SLC25A45: variants seen among roughly 807,000 people sequenced by gnomAD.
The protein encoded by SLC25A45 is solute carrier family 25 member 45.
A neutral mutation model predicts 23.0 loss-of-function variants in SLC25A45; 22 were observed. That is an observed-to-expected ratio of 0.95 (90% CI 0.68 to 1.36). The LOEUF (loss-of-function observed/expected upper bound fraction) is 1.36. Among genes scored for constraint, SLC25A45 ranks in the 40% most tolerant of loss-of-function variants. SLC25A45 has a pLI of 0.00. For missense variants in SLC25A45, 355 were observed against 383.5 expected (o/e 0.93, Z 0.62); for synonymous variants, 136 against 155.0 (o/e 0.88, Z 0.91).
At chr11:65,380,277 G>A (rs899493535) in intron 2 of SLC25A45, 102 bp from the exon 3 acceptor site, 1 of 1,551,940 alleles carries the variant, frequency 6.4e-7, no homozygotes, top group Non-Finnish European at 8.9e-7. Context: ...AGGAAGGAGA[G>A]CAGGGCCATC....
Position 65,379,908 on chromosome 11 carries a change from C to A in SLC25A45, c.112G>T (p.Gly38Cys). ...VRLQTQTTYR[G>C]IVDCMVKIYR... is the part of the protein sequence containing the mutation. Reference sequence around the variant, plus strand: ...ATCTTGACCATGCAATCAACGATGCCCCGGTAGGTGGTCTGGGTCTGCAGC... The same window carrying A: ...ATCTTGACCATGCAATCAACGATGCACCGGTAGGTGGTCTGGGTCTGCAGC... The change falls in exon 4 of 7, where the codon GGC (glycine) becomes TGC (cysteine). Residue 38 changes from glycine to cysteine, a missense_variant. Gly to Cys is a radical substitution (Grantham distance 159). Transcript: ENST00000398802. 1 of 1,614,180 alleles carries A rather than the reference C, an allele frequency of 6.2e-7. No homozygotes were observed. Among genetic ancestry groups the A allele is most frequent in the Non-Finnish European group, 8.5e-7 (1 of 1,180,022 alleles).
intron 4 of SLC25A45, 121 bp downstream of exon 4, chr11:65,379,746 G>A (rs1446543621): frequency 7.2e-7 from 1 of 1,385,702 alleles, no homozygotes; most frequent in African/African-American, 1.4e-5. Context: ...GGCCCCCCAA[G>A]GATCCCAGAC....
chr11:65,380,293 C>A, intron 2 of SLC25A45, 118 bp from the exon 3 acceptor site: 1 of 1,420,936 alleles, frequency 7.0e-7, no homozygotes, highest in Non-Finnish European at 9.8e-7. Context: ...CCATCTCAGA[C>A]ACATGCAGCC....
rs1855156516 is a variant in SLC25A45 at position 65,376,164 on chromosome 11, CCT to C, written c.*241_*242del. 6 of 582,390 alleles carry C rather than the reference CCT, an allele frequency of 1.0e-5. No homozygotes were observed. In the Admixed American group the frequency reaches 1.8e-4, roughly 18 times the overall value. The allele number at this position is 582,390 out of a possible 1,614,324, so 36.1% of individuals were successfully genotyped here. A position where few individuals can be genotyped will look rare whatever the true frequency, so the allele number is the denominator to read the frequency against. ...GCCAGCTCACTTGTGCCTCATGCTC[CCT>C]GTTTCACAGATGTGGGAGGCAAAGG... On this transcript the variant is annotated 3_prime_UTR_variant, in exon 7 of 7. Coordinates refer to ENST00000398802, the MANE Select transcript of SLC25A45 (RefSeq NM_182556.4).
At position 65,376,882 on chromosome 11, in the gene SLC25A45, C is replaced by T. The variant is rs1223480182; in HGVS notation, c.534G>A (p.Val178=). ...WALTLRDTPT[V]GIYFITYEGL... ...CTTCATAGGTGATGAAGTAGATCCC[C>T]ACCGTGGGGGTGTCCCTCAGCGTCA... The change falls in exon 6 of 7, where the codon GTG becomes GTA. Residue 178 remains valine, a synonymous_variant. Transcript: ENST00000398802. 6.2e-7 allele frequency: 1 copy of T among 1,614,088 alleles called. No homozygotes were observed. The highest frequency in any genetic ancestry group is 1.3e-5 in the African/African-American group (1 of 74,936).
At chr11:65,380,874 G>C (rs1284437047) in intron 2 of SLC25A45, 1 of 296,948 alleles carries the variant, frequency 3.4e-6, no homozygotes, top group Non-Finnish European at 6.8e-6. Flanking sequence ...AGCCAGGTGG[G>C]GCAGAGGCCC....
chr11:65,375,993 TGGAAAGGC>T lies in SLC25A45; in HGVS notation c.*406_*413del, dbSNP rs1855143924. 1 of 156,404 alleles carries T rather than the reference TGGAAAGGC, an allele frequency of 6.4e-6. No homozygotes were observed. The highest frequency in any genetic ancestry group is 2.9e-5 in the African/African-American group (1 of 34,382). 9.7% of individuals were successfully genotyped at this position (156,404 alleles called of 1,614,324 possible). On this transcript the variant is annotated 3_prime_UTR_variant, in exon 7 of 7. Transcript: ENST00000398802. ...AGGAGAGTTGCTTGAACCCGGAAGGTGGAAAGGCGGAGGTTGCAGTGAGCCGAGATCAC... is the reference window on the plus strand; with the variant it reads ...AGGAGAGTTGCTTGAACCCGGAAGGTGGAGGTTGCAGTGAGCCGAGATCAC...
rs200122710 is a variant in SLC25A45, at chr11:65,380,187, A to T, written c.38-12T>A. On this transcript the variant is annotated splice_polypyrimidine_tract_variant and intron_variant, in intron 2 of 6. Coordinates refer to ENST00000398802, the MANE Select transcript of SLC25A45 (RefSeq NM_182556.4). ...CAAGCCCAGAGCGCCTGTGGTGACA[A>T]GAGGGTGCTATGAGTGAGGGCCCTC... is the stretch of plus-strand genomic sequence containing the variant. The T allele has an allele frequency of 6.2e-7, 1 of 1,614,166 alleles. No individual in the cohort carries two copies.
At chr11:65,379,967 G>A in intron 3 of SLC25A45, 29 bp from the exon 4 acceptor site, 2 of 1,613,640 alleles carry the variant, frequency 1.2e-6, no homozygotes, top group Non-Finnish European at 1.7e-6. Flanking sequence ...CAGGTAGGGT[G>A]GCGGGATGGG....
chr11:65,380,287 C>T, intron 2 of SLC25A45, 112 bp from the exon 3 acceptor site: 1 of 1,495,578 alleles, frequency 6.7e-7, no homozygotes, highest in Non-Finnish European at 9.2e-7. Context: ...GCAGGGCCAT[C>T]TCAGACACAT....
At position 65,376,869 on chromosome 11, in the gene SLC25A45, T is replaced by G. The variant is rs746723474; in HGVS notation, c.547A>C (p.Ile183Leu). The change falls in exon 6 of 7, where the codon ATC becomes CTC. Residue 183 changes from isoleucine (I) to leucine (L), a missense_variant. By Grantham distance (5) the Ile-to-Leu change is conservative (BLOSUM62 2). Coordinates refer to ENST00000398802, the MANE Select transcript of SLC25A45 (RefSeq NM_182556.4). ...TGGCGACAGAGCCCTTCATAGGTGATGAAGTAGATCCCCACCGTGGGGGTG... is the reference window on the plus strand; with the variant it reads ...TGGCGACAGAGCCCTTCATAGGTGAGGAAGTAGATCCCCACCGTGGGGGTG... ...RDTPTVGIYFITYEGLCRQYT... is the reference protein window; with the variant it reads ...RDTPTVGIYFLTYEGLCRQYT... The G allele has an allele frequency of 6.2e-7, 1 of 1,614,196 alleles. No homozygotes were observed. The highest frequency in any genetic ancestry group is 8.5e-7 in the Non-Finnish European group (1 of 1,180,024).
chr11:65,379,390 C>T lies in SLC25A45; in HGVS notation c.325G>A (p.Gly109Arg), dbSNP rs377683343. 2.2e-5 allele frequency: 35 copies of T among 1,610,126 alleles called. No homozygotes were observed. The highest frequency in any genetic ancestry group is 4.0e-5 in the African/African-American group (3 of 74,914). Residue 109 changes from glycine to arginine, a missense_variant, in exon 5 of 7, where the codon GGG becomes AGG. Transcript: ENST00000398802. ...YMHIFLAGCT[G>R]GFLQAYCLAP... Reference sequence around the variant, plus strand: ...TGCCCCCTCACCTGCAGGAACCCCCCGGTGCAGCCCGCTAGGAAGATGTGC... The same window carrying T: ...TGCCCCCTCACCTGCAGGAACCCCCTGGTGCAGCCCGCTAGGAAGATGTGC...
In SLC25A45 at chr11:65,376,341, C is replaced by G. The variant is rs547824050; in HGVS notation, c.*66G>C. The G allele has an allele frequency of 1.7e-5, 27 of 1,565,516 alleles. No homozygotes were observed. The African/African-American group carries it at 2.7e-4, about 16-fold the overall frequency. ...ACTGATTTGCAAGCTTTCAACCTGG[C>G]CTCCAATCTCAAACTGGCCTCCAGG... On this transcript the variant is annotated 3_prime_UTR_variant, in exon 7 of 7. Coordinates refer to ENST00000398802, the MANE Select transcript of SLC25A45 (RefSeq NM_182556.4).
Position 65,380,151 on chromosome 11 carries a change from T to G in SLC25A45, c.62A>C (p.His21Pro). Residue 21 changes from histidine to proline, a missense_variant, in exon 3 of 7, where the codon CAC becomes CCC. Physicochemically the swap from His to Pro is moderately conservative, Grantham distance 77 (BLOSUM62 -2). Transcript: ENST00000398802. ...ISGALGLVLG[H>P]PFDTVKVRLQ... ...ACTCACCTTTACAGTGTCAAACGGG[T>G]GTCCCAGGACCAAGCCCAGAGCGCC... 2 of 1,614,184 alleles carry G rather than the reference T, an allele frequency of 1.2e-6. No individual in the cohort carries two copies. The highest frequency in any genetic ancestry group is 1.7e-6 in the Non-Finnish European group (2 of 1,180,018).
chr11:65,381,620 T>G (rs1273614031), intron 2 of SLC25A45: 2 of 245,704 alleles, frequency 8.1e-6, no homozygotes, highest in South Asian at 5.8e-5. Context: ...CAGGCTGGAG[T>G]GCAGTGGTGC....
chr11:65,376,888 G>T lies in SLC25A45; in HGVS notation c.528C>A (p.Pro176=). The part of the protein sequence containing the change: ...GAWALTLRDT[P]TVGIYFITYE... ...AGGTGATGAAGTAGATCCCCACCGT[G>T]GGGGTGTCCCTCAGCGTCAGGGCCC... is the stretch of plus-strand genomic sequence containing the variant. The change falls in exon 6 of 7, where the codon CCC becomes CCA. Residue 176 remains proline (P), a synonymous_variant. Transcript: ENST00000398802. The T allele has an allele frequency of 6.2e-7, 1 of 1,614,164 alleles. No homozygotes were observed. Among genetic ancestry groups the T allele is most frequent in the Non-Finnish European group, 8.5e-7 (1 of 1,180,016 alleles).
chr11:65,376,787 GT>G, intron 6 of SLC25A45, 30 bp downstream of exon 6: 1 of 1,614,152 alleles, frequency 6.2e-7, no homozygotes, highest in South Asian at 1.1e-5. Flanking sequence ...CCACACCTCT[GT>G]CCCCCATCCT....
intron 5 of SLC25A45, chr11:65,377,571 G>T: frequency 4.9e-6 from 1 of 206,080 alleles, no homozygotes; most frequent in Non-Finnish European, 8.6e-6. Context: ...CACAAGGCCA[G>T]CCCCTCCTGC....
chr11:65,379,435 C>T lies in SLC25A45; in HGVS notation c.280G>A (p.Ala94Thr). ...ATGTGCATGTAGCTGGGCGGCTGGGCCCGCCGCTCCTGGTGGGAGGTGGCC... is the reference window on the plus strand; with the variant it reads ...ATGTGCATGTAGCTGGGCGGCTGGGTCCGCCGCTCCTGGTGGGAGGTGGCC... The part of the protein sequence containing the change: ...LTATSHQERR[A>T]QPPSYMHIFL... Residue 94 changes from alanine to threonine, a missense_variant, in exon 5 of 7, where the codon GCC becomes ACC. Coordinates refer to ENST00000398802, the MANE Select transcript of SLC25A45 (RefSeq NM_182556.4). 6.2e-7 allele frequency: 1 copy of T among 1,613,614 alleles called. No individual in the cohort carries two copies. Among genetic ancestry groups the T allele is most frequent in the Middle Eastern group, 1.7e-4 (1 of 6,060 alleles).
Sources: gnomAD v4.1 joint callset for allele counts on GRCh38, gnomAD v4.1.1 for gene constraint, MANE v1.5 for transcripts, NCBI Gene and HGNC (gene_info 2026-07-23, HGNC 2026-07-21) for gene names.